RASGRF1: variants seen among roughly 807,000 people sequenced by gnomAD.
RASGRF1 encodes Ras protein specific guanine nucleotide releasing factor 1.
In RASGRF1, 40 loss-of-function variants were observed where a neutral mutation model predicts 138.7. The ratio of observed to expected loss-of-function variants is 0.29; its 90% CI spans 0.22 to 0.38. The LOEUF (loss-of-function observed/expected upper bound fraction) is 0.38. Among genes scored for constraint, RASGRF1 ranks in the 10% least tolerant of loss-of-function variants. The probability of loss-of-function intolerance (pLI) is 1.00; values close to 1 mark genes in which losing one functional copy is unlikely to be tolerated. For missense variants in RASGRF1, 1,108 were observed against 1,650.4 expected, an observed-to-expected ratio of 0.67 and a Z score of 5.69; for synonymous variants, 614 against 663.2, an observed-to-expected ratio of 0.93 and a Z score of 1.14.
chr15:79,034,570 C>T (rs2057191549), intron 6 of RASGRF1, among the ~76,000 whole-genome samples: 1 of 152,036 alleles, frequency 6.6e-6, no homozygotes, highest in Admixed American at 6.5e-5. Context: ...CCAACCATAG[C>T]AGATGGTTAG....
chr15:79,009,292 C>T (rs2056746214), intron 13 of RASGRF1, among the ~76,000 whole-genome samples: 1 of 152,156 alleles, frequency 6.6e-6, no homozygotes. Flanking sequence ...CACTAAAAGT[C>T]TCAAAAGGAA....
At chr15:79,067,498 C>G (rs150699692) in intron 1 of RASGRF1, among the ~76,000 whole-genome samples, 299 of 152,336 alleles carry the variant, frequency 2.0e-3, no homozygotes, top group African/African-American at 6.7e-3. Flanking sequence ...GAACCCTGGG[C>G]TGCCTTTGCC....
intron 19 of RASGRF1, among the ~76,000 whole-genome samples, chr15:78,996,300 G>C (rs958975014): frequency 6.6e-6 from 1 of 152,164 alleles, no homozygotes; most frequent in Non-Finnish European, 1.5e-5. Flanking sequence ...GGGGAATGAG[G>C]GTAGAGCCTC....
rs756314507 is a variant in RASGRF1, at chr15:79,006,227, G to A, written c.2034C>T (p.Leu678=). The part of the protein sequence containing the change: ...FTTAIVVLDK[L]ITIYKKPISA... ...TGATAGGCTTCTTGTAGATGGTAAT[G>A]AGCTTGTCCAGGACCACGATGGCGG... Residue 678 remains leucine, a synonymous_variant, in exon 14 of 27, where the codon CTC becomes CTT. Transcript: ENST00000558480. This position sits in a 1 kb window ranked among gnomAD's most constrained non-coding sequence, Gnocchi z 4.0. 5.0e-6 allele frequency: 8 copies of A among 1,614,108 alleles called. No individual in the cohort carries two copies. In the South Asian group the frequency reaches 6.6e-5, roughly 13 times the overall value.
chr15:79,053,766 C>T (rs1351389909), intron 3 of RASGRF1, among the ~76,000 whole-genome samples: 1 of 152,218 alleles, frequency 6.6e-6, no homozygotes, highest in East Asian at 1.9e-4. Flanking sequence ...GGGCTGGCTT[C>T]ATGGATGTGT....
At chr15:79,012,709 G>A (rs1242156953) in intron 13 of RASGRF1, among the ~76,000 whole-genome samples, 2 of 151,978 alleles carry the variant, frequency 1.3e-5, no homozygotes, top group East Asian at 3.8e-4. Context: ...TTGAGACAGA[G>A]TTTCACTCTG....
chr15:79,008,977 A>G (rs1360583968), intron 13 of RASGRF1, among the ~76,000 whole-genome samples: 2 of 152,124 alleles, frequency 1.3e-5, no homozygotes, highest in Admixed American at 6.5e-5. Flanking sequence ...TTTCCCAAAC[A>G]TAATATGACG....
intron 22 of RASGRF1, 21 bp downstream of exon 22, chr15:78,990,168 G>C (rs2056239646): frequency 6.5e-7 from 1 of 1,545,584 alleles, no homozygotes; most frequent in African/African-American, 1.4e-5. Flanking sequence ...CAGTGAGAGA[G>C]GCGCTCCCAT....
chr15:78,969,802 C>T (rs1476407985), intron 26 of RASGRF1, among the ~76,000 whole-genome samples: 5 of 152,094 alleles, frequency 3.3e-5, no homozygotes, highest in Non-Finnish European at 7.4e-5. Flanking sequence ...ATATTTTTTG[C>T]CTCTTAGTCT....
At chr15:79,007,715 C>T (rs959131134) in intron 13 of RASGRF1, among the ~76,000 whole-genome samples, 1 of 151,640 alleles carries the variant, frequency 6.6e-6, no homozygotes, top group Non-Finnish European at 1.5e-5. Flanking sequence ...CTATGCCTCG[C>T]TAATTTTTGT....
chr15:79,059,372 TCCTTCCCTTC>T (rs370008646), intron 2 of RASGRF1, among the ~76,000 whole-genome samples: 6,108 of 38,370 alleles, frequency 0.16, 707 homozygotes, highest in Admixed American at 0.19. Context: ...CCCTTCCCAA[TCCTTCCCTTC>T]CCTTCCCTTC....
chr15:79,018,818 G>T (rs75352192), intron 11 of RASGRF1, among the ~76,000 whole-genome samples: 19,443 of 152,136 alleles, frequency 0.13, 1,439 homozygotes, highest in Admixed American at 0.16. Context: ...CTTGTGGCCA[G>T]GATCCCACCT....
chr15:79,081,718 C>T, intron 1 of RASGRF1, among the ~76,000 whole-genome samples: 1 of 152,308 alleles, frequency 6.6e-6, no homozygotes, highest in Non-Finnish European at 1.5e-5. Flanking sequence ...TGTCCCCTCG[C>T]TGTATGGCAA....
chr15:79,026,499 C>T (rs920768700), intron 9 of RASGRF1, among the ~76,000 whole-genome samples: 4 of 152,152 alleles, frequency 2.6e-5, no homozygotes, highest in Non-Finnish European at 5.9e-5. Context: ...CATAGGCTTC[C>T]GGAGGGCAGG....
rs772150765 is a variant in RASGRF1 at position 79,004,055 on chromosome 15, T to A, written c.2196A>T (p.Thr732=). 6.2e-7 allele frequency: 1 copy of A among 1,614,050 alleles called. No individual in the cohort carries two copies. Among genetic ancestry groups the A allele is most frequent in the South Asian group, 1.1e-5 (1 of 91,078 alleles). ...SSPPPLSITK[T]SSPSRRRKLS... is the part of the protein sequence containing the mutation. Reference sequence around the variant, plus strand: ...GCTTCCGCCGGCGGCTCGGTGACGATGTCTTGGTGATGGACAGAGGTGGCG... The same window carrying A: ...GCTTCCGCCGGCGGCTCGGTGACGAAGTCTTGGTGATGGACAGAGGTGGCG... The change falls in exon 15 of 27, where the codon ACA becomes ACT. Residue 732 remains threonine, a synonymous_variant. Transcript: ENST00000558480.
rs550650122 is a variant in RASGRF1 at position 78,975,459 on chromosome 15, C to T, written c.3495-2039G>A. ...GAGGGGCTGCTTTGCATCCTTCCAT[C>T]CCTTCCAGTCCATGATTATTACATG... On this transcript the variant is annotated intron_variant, in intron 24 of 26. Transcript: ENST00000558480. Among the ~76,000 whole-genome samples, 6 of 149,854 alleles carry T rather than the reference C, an allele frequency of 4.0e-5. No individual in the cohort carries two copies. The South Asian group carries it at 1.3e-3, about 31-fold the overall frequency.
intron 15 of RASGRF1, 129 bp from the exon 16 acceptor site, chr15:79,001,916 A>G (rs1595888859): frequency 3.4e-6 from 2 of 588,024 alleles, no homozygotes; most frequent in Non-Finnish European, 4.9e-6. Flanking sequence ...CAGCCACTGA[A>G]GAAAGTTTAA....
rs1158395164 is a variant in RASGRF1, at chr15:79,058,127, A to G, written c.531+207T>C. Reference sequence around the variant, plus strand: ...AGGGACTTGTTCCAGGTTGCAGTCAATAAGTGACAGAGGTGAGATTTAAAC... The same window carrying G: ...AGGGACTTGTTCCAGGTTGCAGTCAGTAAGTGACAGAGGTGAGATTTAAAC... On this transcript the variant is annotated intron_variant, in intron 3 of 26. Coordinates refer to ENST00000558480, the MANE Select transcript of RASGRF1 (RefSeq NM_001145648.3). Among the ~76,000 whole-genome samples the G allele has an allele frequency of 2.0e-5, 3 of 152,214 alleles. No individual in the cohort carries two copies. The East Asian group carries it at 5.8e-4, about 29-fold the overall frequency.
At chr15:78,993,118 G>A (rs1475325187) in intron 20 of RASGRF1, among the ~76,000 whole-genome samples, 1 of 147,840 alleles carries the variant, frequency 6.8e-6, no homozygotes, top group Non-Finnish European at 1.5e-5. Flanking sequence ...TGTGGGGTGT[G>A]TGCATGTGTA....
Sources: allele counts gnomAD v4.1 joint callset (sites outside exome capture counted in the v4.1 genomes callset), GRCh38; gene constraint gnomAD v4.1.1; non-coding constraint Gnocchi (gnomAD v3.1); transcripts MANE v1.5; gene names NCBI Gene and HGNC (gene_info 2026-07-23, HGNC 2026-07-21).